The following NAALADL2 variants were observed in gnomAD, a reference collection of about 807,000 sequenced individuals.
NAALADL2 encodes N-acetylated alpha-linked acidic dipeptidase like 2, also known as inactive N-acetylated-alpha-linked acidic dipeptidase-like protein 2.
NAALADL2 carries 76 observed loss-of-function variants against 87.2 expected under a neutral mutation model. The observed-to-expected ratio is 0.87, with a 90% CI of 0.72 to 1.05. The LOEUF is 1.05. Ranked by LOEUF, NAALADL2 falls within the 50% of genes least tolerant of loss-of-function variation. The pLI is 0.00. For missense variants in NAALADL2, 1,089 were observed against 945.8 expected (o/e 1.15, Z -1.99); for synonymous variants, 354 against 331.0 (o/e 1.07, Z -0.75).
At chr3:174,827,852 C>T (rs1283322097) in intron 3 of NAALADL2, among the ~76,000 whole-genome samples, 1 of 152,106 alleles carries the variant, frequency 6.6e-6, no homozygotes, top group Non-Finnish European at 1.5e-5. Flanking sequence ...TTCATATGGT[C>T]CCTTTGAAGT....
At chr3:175,763,060 G>T (rs1279659381) in intron 13 of NAALADL2, among the ~76,000 whole-genome samples, 1 of 148,976 alleles carries the variant, frequency 6.7e-6, no homozygotes, top group Non-Finnish European at 1.5e-5. Context: ...CTCCAGCCTG[G>T]GGGACACAGC....
In NAALADL2 at chr3:174,864,595, G is replaced by A. The variant is rs552345487; in HGVS notation, c.43+5145G>A. 4.6e-5 allele frequency among the ~76,000 whole-genome samples: 7 copies of A among 152,080 alleles called. No individual in the cohort carries two copies. The South Asian group carries it at 8.3e-4, about 18-fold the overall frequency. ...TACAGGATGACTTGATTGTTTATAC[G>A]TTATTATTAATCATGCAATAAAAAC... On this transcript the variant is annotated intron_variant, in intron 1 of 13. Transcript: ENST00000454872.
At chr3:174,724,637 A>T (rs561716972) in intron 2 of NAALADL2, among the ~76,000 whole-genome samples, 2 of 152,100 alleles carry the variant, frequency 1.3e-5, no homozygotes, top group Non-Finnish European at 2.9e-5. Flanking sequence ...TTTATATTAG[A>T]TTTATTTATT....
At chr3:174,611,797 A>G (rs1287478928) in intron 2 of NAALADL2, among the ~76,000 whole-genome samples, 3 of 151,578 alleles carry the variant, frequency 2.0e-5, no homozygotes, top group Non-Finnish European at 4.4e-5. Flanking sequence ...GGGTTTCACC[A>G]TATTAGCCAG....
intron 1 of NAALADL2, among the ~76,000 whole-genome samples, chr3:175,090,167 G>T (rs1481000061): frequency 6.6e-6 from 1 of 152,032 alleles, no homozygotes; most frequent in Non-Finnish European, 1.5e-5. Context: ...AAGAAAAAAG[G>T]AGCCCATGGC....
At chr3:175,277,486 C>T (rs542468834) in intron 4 of NAALADL2, among the ~76,000 whole-genome samples, 1 of 152,194 alleles carries the variant, frequency 6.6e-6, no homozygotes, top group East Asian at 1.9e-4. Flanking sequence ...GGACTGTGAC[C>T]AATCTATTAA....
chr3:175,780,265 GAC>G (rs1750860848), intron 13 of NAALADL2, among the ~76,000 whole-genome samples: 3 of 150,762 alleles, frequency 2.0e-5, no homozygotes, highest in Admixed American at 2.0e-4. Flanking sequence ...GACAGAGCGA[GAC>G]TCTGTCTCAA....
chr3:175,498,343 C>T (rs1729102156), intron 9 of NAALADL2, among the ~76,000 whole-genome samples: 1 of 151,878 alleles, frequency 6.6e-6, no homozygotes, highest in South Asian at 2.1e-4. Flanking sequence ...TGAGTGTAAA[C>T]CAAGAAAGTT....
intron 5 of NAALADL2, among the ~76,000 whole-genome samples, chr3:175,443,474 C>T (rs1421353216): frequency 2.6e-5 from 4 of 152,016 alleles, no homozygotes; most frequent in Admixed American, 2.0e-4. Context: ...GGATAATCAG[C>T]GAATTGATAG....
chr3:174,557,237 C>T lies in NAALADL2; in HGVS notation c.-115+6600C>T, dbSNP rs183787893. ...CGATTTTCTTAATCATTGACCTACA[C>T]GAAATAGTTGACCTACATGCCACAA... On this transcript the variant is annotated intron_variant, in intron 2 of 3. Coordinates refer to the NAALADL2 transcript ENST00000434257. 2.2e-4 allele frequency among the ~76,000 whole-genome samples: 34 copies of T among 152,100 alleles called. No individual in the cohort carries two copies. The East Asian group carries it at 4.2e-3, about 19-fold the overall frequency.
At position 174,548,412 on chromosome 3, in the gene NAALADL2, G is replaced by T. The variant is rs1047287954; in HGVS notation, c.-183-2157G>T. Among the ~76,000 whole-genome samples, 27 of 152,150 alleles carry T rather than the reference G, an allele frequency of 1.8e-4. No homozygotes were observed. In the Middle Eastern group the frequency reaches 0.01, roughly 58 times the overall value. ...AAACTAGAAAAAAATAAACCAAGCT[G>T]CAGATAGTTTTGTCTCTGCATTATT... On this transcript the variant is annotated intron_variant, in intron 1 of 3. Transcript: ENST00000434257.
At chr3:175,311,057 G>A (rs530854366) in intron 4 of NAALADL2, among the ~76,000 whole-genome samples, 1 of 151,950 alleles carries the variant, frequency 6.6e-6, no homozygotes, top group East Asian at 1.9e-4. Context: ...AAAGATGAAT[G>A]CTCTTTATTC....
At chr3:175,173,664 T>C (rs531959580) in intron 2 of NAALADL2, among the ~76,000 whole-genome samples, 46 of 152,328 alleles carry the variant, frequency 3.0e-4, no homozygotes, top group African/African-American at 1.0e-3. Context: ...AAAAGAAAGT[T>C]AGTAATGCTG....
chr3:174,767,522 A>G (rs755674444), intron 3 of NAALADL2, among the ~76,000 whole-genome samples: 1 of 152,158 alleles, frequency 6.6e-6, no homozygotes, highest in Non-Finnish European at 1.5e-5. Context: ...TATGGTGTCT[A>G]CTAGATAGGC....
At chr3:175,242,364 T>C (rs1372300768) in intron 3 of NAALADL2, 1 of 152,208 alleles carries the variant, frequency 6.6e-6, no homozygotes, top group Non-Finnish European at 1.5e-5. Flanking sequence ...AAGTATTTTG[T>C]TTACAAATAA....
At chr3:175,171,302 A>G (rs1373090954) in intron 2 of NAALADL2, among the ~76,000 whole-genome samples, 6 of 152,078 alleles carry the variant, frequency 3.9e-5, no homozygotes, top group African/African-American at 1.4e-4. Context: ...GAGGAAAGTA[A>G]GCAATTGGCC....
At chr3:174,738,769 ACTTT>A (rs1733471979) in intron 3 of NAALADL2, among the ~76,000 whole-genome samples, 1 of 152,170 alleles carries the variant, frequency 6.6e-6, no homozygotes, top group South Asian at 2.1e-4. Context: ...CATTTCTGTT[ACTTT>A]CTAAGTAATT....
At chr3:175,483,597 T>C (rs777949863) in intron 9 of NAALADL2, among the ~76,000 whole-genome samples, 32 of 152,108 alleles carry the variant, frequency 2.1e-4, no homozygotes, top group Middle Eastern at 3.4e-3. Context: ...CATAGTCATC[T>C]CAAGGGAATG....
intron 10 of NAALADL2, among the ~76,000 whole-genome samples, chr3:175,597,178 A>G (rs1048821987): frequency 6.6e-6 from 1 of 152,060 alleles, no homozygotes; most frequent in Non-Finnish European, 1.5e-5. Context: ...AGGGTACAAC[A>G]TATCTGAAAT....
Sources: allele counts gnomAD v4.1 joint callset (sites outside exome capture counted in the v4.1 genomes callset), GRCh38; gene constraint gnomAD v4.1.1; transcripts MANE v1.5; gene names NCBI Gene and HGNC (gene_info 2026-07-23, HGNC 2026-07-21).